The following TCF20 variants were observed in gnomAD, a reference collection of about 807,000 sequenced individuals.
TCF20 encodes the protein transcription factor 20.
A neutral mutation model predicts 148.6 loss-of-function variants in TCF20; 3 were observed. The observed-to-expected ratio is 0.02, with a 90% confidence interval of 0.01 to 0.05. The LOEUF is 0.05. Among genes scored for constraint, TCF20 ranks in the 10% least tolerant of loss-of-function variants. The pLI is 1.00. For missense variants in TCF20, 2,350 were observed against 2,429.3 expected, an observed-to-expected ratio of 0.97 and a Z score of 0.69; for synonymous variants, 1,049 against 909.5, an observed-to-expected ratio of 1.15 and a Z score of -2.76.
At chr22:42,259,854 G>C (rs1428933120) in intron 1 of TCF20, among the ~76,000 whole-genome samples, 1 of 152,194 alleles carries the variant, frequency 6.6e-6, no homozygotes, top group African/African-American at 2.4e-5. Context: ...GATAAATTCA[G>C]GCTGTTCATG....
chr22:42,288,266 G>A (rs531492396), upstream of TCF20, among the ~76,000 whole-genome samples: 1 of 152,278 alleles, frequency 6.6e-6, no homozygotes, highest in South Asian at 2.1e-4. Context: ...GGCCAGGCGC[G>A]GTGGCTCACG....
At chr22:42,283,782 A>G (rs1432188108) in intron 1 of TCF20, among the ~76,000 whole-genome samples, 1 of 151,882 alleles carries the variant, frequency 6.6e-6, no homozygotes, top group African/African-American at 2.4e-5. Context: ...CGCACGCCAG[A>G]GCAAACTTTC....
intron 1 of TCF20, among the ~76,000 whole-genome samples, chr22:42,283,433 G>A (rs1926954676): frequency 1.3e-5 from 2 of 152,098 alleles, no homozygotes; most frequent in South Asian, 4.1e-4. Context: ...ACGGGGGCGG[G>A]CACTCGGCCC....
At chr22:42,255,853 A>C (rs1271486890) in intron 1 of TCF20, among the ~76,000 whole-genome samples, 1 of 152,096 alleles carries the variant, frequency 6.6e-6, no homozygotes, top group Non-Finnish European at 1.5e-5. Flanking sequence ...TATGAGACTC[A>C]AGTGCCCCAG....
At chr22:42,254,606 C>T (rs1475352154) in intron 1 of TCF20, among the ~76,000 whole-genome samples, 2 of 152,242 alleles carry the variant, frequency 1.3e-5, no homozygotes, top group African/African-American at 4.8e-5. Flanking sequence ...CCTTTCCCAC[C>T]TCTCAGACTG....
rs973833857 is a variant in TCF20, at chr22:42,297,069, T to C, written c.-37+46410A>G. ...ACCCACCCAGAACCACACAGCAAAC[T>C]GGAGAAGTCAGTTTAAACTTGGGCC... is the stretch of plus-strand genomic sequence containing the variant. On this transcript the variant is annotated intron_variant, in intron 1 of 1. Transcript: ENST00000515426. The surrounding 1 kb of genome is among the most constrained non-coding windows in gnomAD (Gnocchi z 4.3). 6.6e-6 allele frequency among the ~76,000 whole-genome samples: 1 copy of C among 151,760 alleles called. No individual in the cohort carries two copies. Among genetic ancestry groups the C allele is most frequent in the African/African-American group, 2.4e-5 (1 of 41,294 alleles).
chr22:42,283,339 A>G (rs924293675), intron 1 of TCF20, among the ~76,000 whole-genome samples: 84 of 150,894 alleles, frequency 5.6e-4, no homozygotes, highest in Non-Finnish European at 9.8e-4. Flanking sequence ...GCCGCTCTGC[A>G]CCCTCACACC....
intron 1 of TCF20, among the ~76,000 whole-genome samples, chr22:42,314,997 G>C (rs12628932): frequency 0.2 from 30,251 of 151,988 alleles, 3,779 homozygotes; most frequent in Admixed American, 0.28. Flanking sequence ...TTTTAAACTG[G>C]CTGTGCCTCC....
intron 1 of TCF20, among the ~76,000 whole-genome samples, chr22:42,316,471 T>C (rs1398195888): frequency 6.6e-6 from 1 of 152,124 alleles, no homozygotes; most frequent in Non-Finnish European, 1.5e-5. Flanking sequence ...CAAGTTAATC[T>C]GTCAGAGCCT....
chr22:42,223,534 C>G (rs1471413504), intron 1 of TCF20, among the ~76,000 whole-genome samples: 1 of 151,706 alleles, frequency 6.6e-6, no homozygotes, highest in Non-Finnish European at 1.5e-5. Flanking sequence ...TCATCCTTAC[C>G]ATGATCTAAG....
intron 1 of TCF20, among the ~76,000 whole-genome samples, chr22:42,248,291 C>T (rs1925086833): frequency 6.6e-6 from 1 of 152,198 alleles, no homozygotes; most frequent in African/African-American, 2.4e-5. Flanking sequence ...AAGGGAGAAA[C>T]AGGTTTTGAA....
In TCF20 at chr22:42,215,202, G is replaced by C; in HGVS notation, c.104C>G (p.Ala35Gly). The change falls in exon 2 of 6, where the codon GCC becomes GGC. Residue 35 changes from alanine to glycine, a missense_variant. Ala to Gly is a moderately conservative substitution (Grantham distance 60). Around this residue, in one of 7 missense-constraint regions of TCF20, gnomAD observed 1,641 missense variants for 1,662.6 expected, o/e 0.99. Transcript: ENST00000677622. Reference protein sequence around the residue: ...SRLEEFSPRQAQMFQNFGGTG... With the variant: ...SRLEEFSPRQGQMFQNFGGTG... ...ACCTCCAAAATTCTGGAACATCTGG[G>C]CCTGACGAGGGCTGAACTCTTCTAG... 1 of 1,614,196 alleles carries C rather than the reference G, an allele frequency of 6.2e-7. No homozygotes were observed. The highest frequency in any genetic ancestry group is 8.5e-7 in the Non-Finnish European group (1 of 1,180,042).
At chr22:42,249,783 G>A (rs976745816) in intron 1 of TCF20, among the ~76,000 whole-genome samples, 2 of 152,172 alleles carry the variant, frequency 1.3e-5, no homozygotes, top group East Asian at 3.9e-4. Flanking sequence ...TTCACACATA[G>A]TGCCAATTTG....
chr22:42,339,640 G>A (rs1393243409), intron 1 of TCF20, among the ~76,000 whole-genome samples: 1 of 152,258 alleles, frequency 6.6e-6, no homozygotes, highest in Non-Finnish European at 1.5e-5. Flanking sequence ...TCCAAAGGAG[G>A]AAACTGAGGC....
At chr22:42,308,665 A>G (rs1927478199) in intron 1 of TCF20, among the ~76,000 whole-genome samples, 1 of 152,122 alleles carries the variant, frequency 6.6e-6, no homozygotes, top group Admixed American at 6.5e-5. Context: ...AGCCTCCCCC[A>G]TGGCCAGAAG....
chr22:42,288,120 C>T (rs754424191), upstream of TCF20, among the ~76,000 whole-genome samples: 30 of 152,142 alleles, frequency 2.0e-4, no homozygotes, highest in Non-Finnish European at 3.8e-4. Flanking sequence ...GCTGGCCTGG[C>T]GTGGTGGCTC....
chr22:42,315,965 A>C (rs1927621908), intron 1 of TCF20, among the ~76,000 whole-genome samples: 1 of 151,268 alleles, frequency 6.6e-6, no homozygotes, highest in Non-Finnish European at 1.5e-5. Context: ...AATACAAAAA[A>C]TTAGCTGGGC....
rs2070116 is a variant in TCF20, at chr22:42,210,251, C to T, written c.5055G>A (p.Ser1685=). The T allele has an allele frequency of 0.23, 371,258 of 1,613,970 alleles. 44,419 individuals carry two copies. Among genetic ancestry groups the T allele is most frequent in the Admixed American group, 0.3 (17,865 of 59,998 alleles). The part of the protein sequence containing the change: ...SSTESKALPA[S]SFMLQGPVVT... ...CAACAGGTCCCTGCAGCATAAAGGACGAGGCCGGGAGCGCCTTGCTTTCAG... is the reference window on the plus strand; with the variant it reads ...CAACAGGTCCCTGCAGCATAAAGGATGAGGCCGGGAGCGCCTTGCTTTCAG... The change falls in exon 2 of 6, where the codon TCG becomes TCA. Residue 1685 remains serine, a synonymous_variant. Coordinates refer to ENST00000677622, the MANE Select transcript of TCF20 (RefSeq NM_001378418.1). The surrounding 1 kb of genome is among the most constrained non-coding windows in gnomAD (Gnocchi z 4.7).
intron 1 of TCF20, among the ~76,000 whole-genome samples, chr22:42,240,342 T>G (rs1190553983): frequency 6.6e-6 from 1 of 152,180 alleles, no homozygotes; most frequent in African/African-American, 2.4e-5. Context: ...TCAGGCATCT[T>G]AACAGTGTCA....
Sources: gnomAD v4.1 joint callset for allele counts (sites outside exome capture counted in the v4.1 genomes callset) on GRCh38, gnomAD v4.1.1 for gene constraint, gnomAD v4.1.1 regional missense constraint, Gnocchi (gnomAD v3.1) non-coding constraint, MANE v1.5 for transcripts, NCBI Gene and HGNC (gene_info 2026-07-23, HGNC 2026-07-21) for gene names.